Variants in CFAP47 observed in about 807,000 individuals in gnomAD.
CFAP47 encodes cilia and flagella associated protein 47.
In CFAP47, 29 loss-of-function variants were observed where a neutral mutation model predicts 148.1. The observed-to-expected ratio is 0.20, with a 90% CI of 0.15 to 0.27. The LOEUF (loss-of-function observed/expected upper bound fraction) is 0.27. Ranked by LOEUF, CFAP47 falls within the 10% of genes least tolerant of loss-of-function variation. CFAP47 has a pLI of 1.00. For missense variants in CFAP47, 1,872 were observed against 1,697.5 expected, an observed-to-expected ratio of 1.10 and a Z score of -1.81; for synonymous variants, 664 against 577.3, an observed-to-expected ratio of 1.15 and a Z score of -2.15.
At chrX:36,199,977 C>T (rs1222463136) in intron 42 of CFAP47, among the ~76,000 whole-genome samples, 2 of 112,000 alleles carry the variant, frequency 1.8e-5, no homozygotes, top group African/African-American at 6.5e-5. Context: ...AAAGCCTGCA[C>T]TTTAAAATGT....
At chrX:36,079,685 T>C (rs751986673) in intron 29 of CFAP47, among the ~76,000 whole-genome samples, 1 of 111,961 alleles carries the variant, frequency 8.9e-6, no homozygotes, top group East Asian at 2.8e-4. Context: ...TTCTGTCAAA[T>C]TGTCAAAGCA....
chrX:36,341,454 AC>A (rs2146978978), intron 57 of CFAP47, among the ~76,000 whole-genome samples: 1 of 111,551 alleles, frequency 9.0e-6, no homozygotes, highest in Admixed American at 9.6e-5. Flanking sequence ...ATGTAATACA[AC>A]TAAAGTGATG....
intron 62 of CFAP47, chrX:36,367,993 A>T (rs1242083497): frequency 8.9e-6 from 1 of 111,799 alleles, no homozygotes; most frequent in African/African-American, 3.2e-5. Flanking sequence ...GTCCAGCTTT[A>T]TGGTCAAAAT....
At chrX:36,130,051 A>G (rs1938917841) in intron 33 of CFAP47, among the ~76,000 whole-genome samples, 1 of 111,441 alleles carries the variant, frequency 9.0e-6, no homozygotes, top group Non-Finnish European at 1.9e-5. Flanking sequence ...ATTTGGCACC[A>G]ACTTCTGTAA....
intron 29 of CFAP47, among the ~76,000 whole-genome samples, chrX:36,080,746 C>G (rs1464538231): frequency 9.1e-6 from 1 of 110,440 alleles, no homozygotes; most frequent in Non-Finnish European, 1.9e-5. Flanking sequence ...CACTTGGACA[C>G]AGGGTGGGGA....
chrX:35,981,608 G>A (rs953989932), intron 15 of CFAP47, among the ~76,000 whole-genome samples: 8 of 111,116 alleles, frequency 7.2e-5, no homozygotes, highest in African/African-American at 2.6e-4. Flanking sequence ...TGGATTTGAT[G>A]TACAGATTGA....
chrX:36,145,779 G>A (rs1482766644), intron 36 of CFAP47, among the ~76,000 whole-genome samples: 1 of 110,042 alleles, frequency 9.1e-6, no homozygotes, highest in Non-Finnish European at 1.9e-5. Flanking sequence ...GATATGCCAC[G>A]GTGATCTTTG....
chrX:36,306,954 C>T, intron 55 of CFAP47, 78 bp downstream of exon 55: 1 of 422,155 alleles, frequency 2.4e-6, no homozygotes, highest in Non-Finnish European at 3.7e-6. Flanking sequence ...ATTCATCATT[C>T]ACTCAATTAT....
chrX:36,383,135 C>T (rs1447970510), intron 63 of CFAP47, among the ~76,000 whole-genome samples: 4 of 111,526 alleles, frequency 3.6e-5, no homozygotes, highest in African/African-American at 1.3e-4. Context: ...CACACACACA[C>T]AAGCACACAC....
intron 39 of CFAP47, among the ~76,000 whole-genome samples, chrX:36,176,911 A>C (rs1939690158): frequency 8.9e-6 from 1 of 112,353 alleles, no homozygotes; most frequent in Non-Finnish European, 1.9e-5. Context: ...CTAAAAAAAT[A>C]AAAATAAAAA....
intron 27 of CFAP47, among the ~76,000 whole-genome samples, chrX:36,071,251 C>T (rs986661794): frequency 2.8e-4 from 31 of 112,373 alleles, no homozygotes; most frequent in Non-Finnish European, 2.1e-4. Context: ...GTCACACCTA[C>T]TGGCTTTTCT....
chrX:36,313,420 A>G (rs1406809617), intron 56 of CFAP47, among the ~76,000 whole-genome samples: 9 of 110,799 alleles, frequency 8.1e-5, no homozygotes, highest in Non-Finnish European at 1.3e-4. Context: ...CACTCTCATC[A>G]GAACAGCATA....
chrX:36,269,010 A>G (rs1295830583), intron 49 of CFAP47, among the ~76,000 whole-genome samples: 1 of 111,983 alleles, frequency 8.9e-6, no homozygotes, highest in Non-Finnish European at 1.9e-5. Flanking sequence ...ATTGGCTCTT[A>G]AATCTTTTAA....
chrX:36,278,038 G>A (rs183084715), intron 49 of CFAP47, among the ~76,000 whole-genome samples: 294 of 112,247 alleles, frequency 2.6e-3, no homozygotes, highest in African/African-American at 8.8e-3. Flanking sequence ...TAGGCTACAC[G>A]GGGGTCAGGG....
At chrX:36,255,800 G>A (rs1269058403) in intron 49 of CFAP47, among the ~76,000 whole-genome samples, 1 of 111,793 alleles carries the variant, frequency 8.9e-6, no homozygotes, top group African/African-American at 3.2e-5. Context: ...TGAGGGGGAA[G>A]TAATCAGAAG....
At position 36,264,915 on chromosome X, in the gene CFAP47, T is replaced by G. The variant is rs1042551391; in HGVS notation, c.7444+13471T>G. Reference sequence around the variant, plus strand: ...GGCACTTTTTTGGCTCCATATGAATTTTAAAACAATTTTTATTTCTAATTC... The same window carrying G: ...GGCACTTTTTTGGCTCCATATGAATGTTAAAACAATTTTTATTTCTAATTC... On this transcript the variant is annotated intron_variant, in intron 49 of 63. Transcript: ENST00000378653. 7.1e-5 allele frequency among the ~76,000 whole-genome samples: 8 copies of G among 112,261 alleles called. No homozygotes were observed. In the Admixed American group the frequency reaches 7.5e-4, roughly 11 times the overall value.
At chrX:36,375,659 G>A (rs1335394074) in intron 62 of CFAP47, among the ~76,000 whole-genome samples, 1 of 112,231 alleles carries the variant, frequency 8.9e-6, no homozygotes, top group Non-Finnish European at 1.9e-5. Context: ...CTGATTCTTC[G>A]TGATCTTTCT....
At chrX:36,055,898 C>A (rs1331763007) in intron 26 of CFAP47, among the ~76,000 whole-genome samples, 1 of 111,457 alleles carries the variant, frequency 9.0e-6, no homozygotes, top group Admixed American at 9.5e-5. Context: ...ATTTGCATTT[C>A]TCTAATGACC....
rs1418368683 is a variant in CFAP47 at position 36,098,851 on chromosome X, T to C, written c.4975T>C (p.Tyr1659His). 2 of 1,153,656 alleles carry C rather than the reference T, an allele frequency of 1.7e-6. No individual in the cohort carries two copies. Among genetic ancestry groups the C allele is most frequent in the Non-Finnish European group, 2.4e-6 (2 of 848,855 alleles). The part of the protein sequence containing the change: ...LPEFLLEPED[Y>H]KRWIEIMSST... The stretch of plus-strand genomic sequence containing the variant: ...AGAATTTTTGCTTGAACCAGAAGAT[T>C]ATAAGAGGTGGATTGAAATTATGGT... Residue 1659 changes from tyrosine to histidine, a missense_variant, in exon 31 of 64, where the codon TAT (tyrosine) becomes CAT (histidine). Transcript: ENST00000378653.
Sources: gnomAD v4.1 joint callset for allele counts (sites outside exome capture counted in the v4.1 genomes callset) on GRCh38, gnomAD v4.1.1 for gene constraint, MANE v1.5 for transcripts, NCBI Gene and HGNC (gene_info 2026-07-23, HGNC 2026-07-21) for gene names.